Variants in STXBP6 observed in about 807,000 individuals in gnomAD.
The protein encoded by STXBP6 is syntaxin-binding protein 6.
A neutral mutation model predicts 26.9 loss-of-function variants in STXBP6; 21 were observed. That is an observed-to-expected ratio of 0.78 (90% confidence interval 0.55 to 1.12). The LOEUF is 1.12. STXBP6 is among the 50% of genes most tolerant of loss of function. The probability of loss-of-function intolerance (pLI) is 0.00; values close to 1 mark genes in which losing one functional copy is unlikely to be tolerated. For missense variants in STXBP6, 232 were observed against 257.9 expected (o/e 0.90, Z 0.69); for synonymous variants, 97 against 92.6 (o/e 1.05, Z -0.27).
chr14:25,035,044 G>A (rs1434196124), intron 1 of STXBP6, among the ~76,000 whole-genome samples: 5 of 151,864 alleles, frequency 3.3e-5, no homozygotes, highest in South Asian at 2.1e-4. Flanking sequence ...CCAGCTACTC[G>A]GGAGGGTGAG....
intron 2 of STXBP6, among the ~76,000 whole-genome samples, chr14:24,945,841 C>A (rs760202656): frequency 1.4e-4 from 21 of 152,226 alleles, no homozygotes; most frequent in Non-Finnish European, 2.9e-4. Flanking sequence ...GTAATAAGAA[C>A]TATAAGCTAA....
chr14:25,033,613 C>T (rs2075500006), intron 1 of STXBP6, among the ~76,000 whole-genome samples: 1 of 152,170 alleles, frequency 6.6e-6, no homozygotes, highest in African/African-American at 2.4e-5. Context: ...CTCCATAATG[C>T]CATCTCCCTC....
chr14:24,932,459 G>T (rs2072451990), intron 2 of STXBP6, among the ~76,000 whole-genome samples: 1 of 152,164 alleles, frequency 6.6e-6, no homozygotes, highest in South Asian at 2.1e-4. Flanking sequence ...AGTTTAAGGT[G>T]CAGTGAGGTA....
intron 1 of STXBP6, among the ~76,000 whole-genome samples, chr14:24,983,045 C>T (rs1264413713): frequency 6.6e-6 from 1 of 152,128 alleles, no homozygotes; most frequent in Non-Finnish European, 1.5e-5. Context: ...ACCAGTTAAG[C>T]CAGTTCTACA....
intron 2 of STXBP6, among the ~76,000 whole-genome samples, chr14:24,917,428 G>A (rs2071807178): frequency 6.6e-6 from 1 of 152,082 alleles, no homozygotes; most frequent in Non-Finnish European, 1.5e-5. Context: ...ATGGAGCACA[G>A]CTTTAGCAAC....
intron 2 of STXBP6, among the ~76,000 whole-genome samples, chr14:24,948,562 C>T (rs1399957453): frequency 1.3e-5 from 2 of 152,126 alleles, no homozygotes; most frequent in African/African-American, 4.8e-5. Context: ...AACTAGGTGA[C>T]AACTGTCCTC....
At chr14:24,863,387 C>T (rs543992703) in intron 2 of STXBP6, among the ~76,000 whole-genome samples, 1 of 152,154 alleles carries the variant, frequency 6.6e-6, no homozygotes, top group Admixed American at 6.5e-5. Flanking sequence ...TTGATGGCTC[C>T]TCAACAAAAG....
chr14:24,937,204 G>A (rs980601554), intron 2 of STXBP6, among the ~76,000 whole-genome samples: 4 of 152,120 alleles, frequency 2.6e-5, no homozygotes, highest in South Asian at 2.1e-4. Flanking sequence ...AAGTTGATGC[G>A]TGCAGCAAAC....
At chr14:24,885,791 G>A (rs1311661621) in intron 2 of STXBP6, among the ~76,000 whole-genome samples, 1 of 152,208 alleles carries the variant, frequency 6.6e-6, no homozygotes, top group Non-Finnish European at 1.5e-5. Flanking sequence ...CCATGTGCTT[G>A]TTGCCATCCT....
At chr14:24,836,144 T>C (rs894439684) in intron 4 of STXBP6, among the ~76,000 whole-genome samples, 1 of 152,222 alleles carries the variant, frequency 6.6e-6, no homozygotes, top group Non-Finnish European at 1.5e-5. Context: ...TTTGGTACTT[T>C]ACTGATTTTT....
chr14:25,009,010 G>A (rs1004578765), intron 1 of STXBP6, among the ~76,000 whole-genome samples: 1 of 152,166 alleles, frequency 6.6e-6, no homozygotes, highest in African/African-American at 2.4e-5. Context: ...TAACTCCACA[G>A]AGAGACATGG....
At chr14:25,021,793 T>C (rs1757849515) in intron 1 of STXBP6, among the ~76,000 whole-genome samples, 1 of 152,196 alleles carries the variant, frequency 6.6e-6, no homozygotes, top group African/African-American at 2.4e-5. Flanking sequence ...CTTTTCATTC[T>C]ATACAAGGGG....
intron 4 of STXBP6, among the ~76,000 whole-genome samples, chr14:24,852,527 G>C (rs1013865159): frequency 2.0e-5 from 3 of 152,024 alleles, no homozygotes; most frequent in East Asian, 3.9e-4. Flanking sequence ...TAGGCGGCTA[G>C]GGCTGCACTG....
intron 2 of STXBP6, among the ~76,000 whole-genome samples, chr14:24,888,717 G>A (rs1480440596): frequency 3.5e-5 from 5 of 141,096 alleles, no homozygotes; most frequent in East Asian, 2.0e-4. Context: ...GCTAGACTCC[G>A]TCTCAAAAAA....
intron 4 of STXBP6, among the ~76,000 whole-genome samples, chr14:24,838,122 C>T (rs1041942179): frequency 1.3e-5 from 2 of 152,162 alleles, no homozygotes; most frequent in Non-Finnish European, 2.9e-5. Flanking sequence ...ATGATCCTCC[C>T]ACCTCAGCCT....
At chr14:25,045,907 C>A (rs1049112728) in intron 1 of STXBP6, among the ~76,000 whole-genome samples, 3 of 152,080 alleles carry the variant, frequency 2.0e-5, no homozygotes, top group Non-Finnish European at 4.4e-5. Flanking sequence ...TGCACCTGGC[C>A]TAAATGTGTT....
At chr14:25,040,315 G>C (rs2075622704) in intron 1 of STXBP6, among the ~76,000 whole-genome samples, 1 of 152,200 alleles carries the variant, frequency 6.6e-6, no homozygotes, top group Non-Finnish European at 1.5e-5. Context: ...AGAATTGAAG[G>C]TAGAAAGGCA....
At chr14:24,821,594 G>A (rs1314101708) in intron 4 of STXBP6, among the ~76,000 whole-genome samples, 1 of 152,136 alleles carries the variant, frequency 6.6e-6, no homozygotes, top group Non-Finnish European at 1.5e-5. Flanking sequence ...CATTTCCTTG[G>A]TTGAAATAAC....
chr14:24,896,809 T>C (rs2071006561), intron 2 of STXBP6, among the ~76,000 whole-genome samples: 1 of 152,038 alleles, frequency 6.6e-6, no homozygotes, highest in Non-Finnish European at 1.5e-5. Context: ...AGAGTTGTCA[T>C]AGGTAGAGGA....
Sources: allele counts gnomAD v4.1 joint callset (sites outside exome capture counted in the v4.1 genomes callset), GRCh38; gene constraint gnomAD v4.1.1; transcripts MANE v1.5; gene names NCBI Gene and HGNC (gene_info 2026-07-23, HGNC 2026-07-21).